Variants in SPTBN1 observed in about 807,000 individuals in gnomAD.
The protein encoded by SPTBN1 is spectrin beta, non-erythrocytic 1.
SPTBN1 carries 32 observed loss-of-function variants against 266.4 expected under a neutral mutation model. That is an observed-to-expected ratio of 0.12 (90% CI 0.09 to 0.16). The LOEUF is 0.16. SPTBN1 is among the 10% of genes least tolerant of loss of function. The pLI is 1.00. For missense variants in SPTBN1, 2,296 were observed against 3,067.1 expected (o/e 0.75, Z 5.94); for synonymous variants, 1,336 against 1,162.2 (o/e 1.15, Z -3.04).
rs1437931949 is a variant in SPTBN1, at chr2:54,645,050, A to G, written c.4270-179A>G. ...CTTTAAGGGCAAATGAATTTACCTCAGATTTACTTGAAAACAGTTCCATTG... is the reference window on the plus strand; with the variant it reads ...CTTTAAGGGCAAATGAATTTACCTCGGATTTACTTGAAAACAGTTCCATTG... On this transcript the variant is annotated intron_variant, in intron 20 of 35. Transcript: ENST00000356805. The surrounding 1 kb of genome is among the most constrained non-coding windows in gnomAD (Gnocchi z 4.3). The G allele has an allele frequency of 1.6e-6, 1 of 622,300 alleles. No individual in the cohort carries two copies. The highest frequency in any genetic ancestry group is 2.8e-6 in the Non-Finnish European group (1 of 357,290). 38.5% of individuals were successfully genotyped at this position (622,300 alleles called of 1,614,324 possible).
At chr2:54,595,827 T>C (rs1389868169) in intron 2 of SPTBN1, among the ~76,000 whole-genome samples, 1 of 152,170 alleles carries the variant, frequency 6.6e-6, no homozygotes, top group Non-Finnish European at 1.5e-5. Flanking sequence ...TTAAGCAGCA[T>C]CCTGGGCCTC....
intron 1 of SPTBN1, among the ~76,000 whole-genome samples, chr2:54,456,721 G>C (rs1693051530): frequency 6.7e-6 from 1 of 150,062 alleles, no homozygotes; most frequent in Non-Finnish European, 1.5e-5. Flanking sequence ...AGCCCGGGTC[G>C]CGGGTGCTCA....
chr2:54,553,419 G>C (rs1038058364), intron 2 of SPTBN1, among the ~76,000 whole-genome samples: 13 of 152,216 alleles, frequency 8.5e-5, no homozygotes, highest in African/African-American at 2.7e-4. Flanking sequence ...CCAGTGCTTA[G>C]TGCAGCATAA....
intron 1 of SPTBN1, among the ~76,000 whole-genome samples, chr2:54,486,241 C>T (rs1224989900): frequency 1.3e-5 from 2 of 151,958 alleles, no homozygotes; most frequent in Non-Finnish European, 2.9e-5. Flanking sequence ...TCATTGAGAA[C>T]GGGCCAGGAT....
intron 32 of SPTBN1, chr2:54,663,840 A>G (rs1681203175): frequency 6.6e-6 from 1 of 152,244 alleles, no homozygotes; most frequent in South Asian, 2.1e-4. Context: ...TTAAGTTCCA[A>G]AGTCTAACTG....
intron 2 of SPTBN1, among the ~76,000 whole-genome samples, chr2:54,550,886 G>A (rs116544076): frequency 0.019 from 2,926 of 152,276 alleles, 52 homozygotes; most frequent in South Asian, 0.061. Flanking sequence ...GAACGTGTCA[G>A]ATGAGTTGAC....
At chr2:54,476,358 T>C (rs1667833450) in intron 1 of SPTBN1, among the ~76,000 whole-genome samples, 1 of 152,196 alleles carries the variant, frequency 6.6e-6, no homozygotes, top group South Asian at 2.1e-4. Context: ...TAACTAAACA[T>C]AGATAACAGA....
intron 1 of SPTBN1, among the ~76,000 whole-genome samples, chr2:54,489,297 G>A (rs1182814546): frequency 3.3e-5 from 5 of 151,674 alleles, no homozygotes; most frequent in African/African-American, 2.4e-5. Context: ...CTCCAACCTG[G>A]GCAACAGAGT....
Position 54,647,043 on chromosome 2 carries a change from C to T in SPTBN1, c.4867-88C>T, listed in dbSNP as rs562749547. ...TTTTTCTTTCTACTGATCCTTCCTC[C>T]TACCCTGCTGAGCAGCTGGTCTGTC... On this transcript the variant is annotated intron_variant, in intron 23 of 35. Transcript: ENST00000356805. 67 of 1,595,224 alleles carry T rather than the reference C, an allele frequency of 4.2e-5. 2 individuals are homozygous for T. The South Asian group carries it at 7.4e-4, about 18-fold the overall frequency.
At chr2:54,497,953 G>A (rs915671415) in intron 1 of SPTBN1, among the ~76,000 whole-genome samples, 12 of 152,150 alleles carry the variant, frequency 7.9e-5, no homozygotes, top group African/African-American at 2.4e-5. Flanking sequence ...GAGAAGAGTA[G>A]AGAATAACAA....
Position 54,643,136 on chromosome 2 carries a change from T to C in SPTBN1, c.4005+7T>C. 1 of 1,614,048 alleles carries C rather than the reference T, an allele frequency of 6.2e-7. No homozygotes were observed. Among genetic ancestry groups the C allele is most frequent in the Non-Finnish European group, 8.5e-7 (1 of 1,179,958 alleles). ...GCTTGACAAAATCGAGAAGGTGAGTTAAAACATTTGATGTGGCCATGGTGA... is the reference window on the plus strand; with the variant it reads ...GCTTGACAAAATCGAGAAGGTGAGTCAAAACATTTGATGTGGCCATGGTGA... On this transcript the variant is annotated splice_region_variant and intron_variant, in intron 19 of 35. Transcript: ENST00000356805.
intron 1 of SPTBN1, among the ~76,000 whole-genome samples, chr2:54,460,375 G>A (rs1215512450): frequency 6.6e-6 from 1 of 152,000 alleles, no homozygotes; most frequent in Non-Finnish European, 1.5e-5. Flanking sequence ...TTATAAAGCT[G>A]TTCTTTAATT....
At chr2:54,511,378 AT>A (rs1409633803) in intron 1 of SPTBN1, among the ~76,000 whole-genome samples, 2 of 152,156 alleles carry the variant, frequency 1.3e-5, no homozygotes, top group East Asian at 3.9e-4. Context: ...GTTTTTAAAA[AT>A]TTTTTTCTTC....
chr2:54,529,332 ACC>A (rs1234122366), intron 2 of SPTBN1: 1 of 559,496 alleles, frequency 1.8e-6, no homozygotes, highest in African/African-American at 1.9e-5. Context: ...TACACTTGAG[ACC>A]CTTTTCAGAA....
chr2:54,612,029 C>A, intron 3 of SPTBN1, 132 bp from the exon 4 acceptor site: 2 of 887,224 alleles, frequency 2.3e-6, no homozygotes, highest in Non-Finnish European at 3.4e-6. Flanking sequence ...TTAATGAGTA[C>A]ATGTGTTTGT....
chr2:54,655,194 T>C lies in SPTBN1; in HGVS notation c.5947T>C (p.Tyr1983His). Residue 1983 changes from tyrosine (Y) to histidine (H), a missense_variant, in exon 28 of 36, where the codon TAT (tyrosine) becomes CAT (histidine). Tyr to His is a moderately conservative substitution (Grantham distance 83, BLOSUM62 2). This residue lies in a region of SPTBN1 where 644 missense variants were observed against 745.3 expected (regional missense o/e 0.86). Coordinates refer to ENST00000356805, the MANE Select transcript of SPTBN1 (RefSeq NM_003128.3). The stretch of plus-strand genomic sequence containing the variant: ...GAAATCCCTGTTGGCGAGAAAACAC[T>C]ATGCATCTGAGGAGGTAGGTTGCTA... ...LGKSLLARKH[Y>H]ASEEIKEKLL... 1.2e-6 allele frequency: 2 copies of C among 1,614,018 alleles called. No individual in the cohort carries two copies. The highest frequency in any genetic ancestry group is 1.7e-6 in the Non-Finnish European group (2 of 1,179,978).
chr2:54,624,267 G>A lies in SPTBN1; in HGVS notation c.1183-537G>A, dbSNP rs184237165. 2.1e-3 allele frequency among the ~76,000 whole-genome samples: 312 copies of A among 152,108 alleles called. 3 individuals are homozygous for A. In the South Asian group the frequency reaches 0.036, roughly 17 times the overall value. Reference sequence around the variant, plus strand: ...TGGAATTATAGGCGTGAGCCACTGCGTCTGGCCCCACTTAGATTCCTTCGA... The same window carrying A: ...TGGAATTATAGGCGTGAGCCACTGCATCTGGCCCCACTTAGATTCCTTCGA... On this transcript the variant is annotated intron_variant, in intron 10 of 35. Transcript: ENST00000356805.
rs372209425 is a variant in SPTBN1, at chr2:54,629,872, C to G, written c.2670-20C>G. ...ACCAGTGGCCCAGGAGGTGACCACC[C>G]TGTCAAATTGCCATTTCAGATTTGA... On this transcript the variant is annotated intron_variant, in intron 14 of 35. Coordinates refer to ENST00000356805, the MANE Select transcript of SPTBN1 (RefSeq NM_003128.3). The G allele has an allele frequency of 4.5e-5, 72 of 1,613,814 alleles. No homozygotes were observed. The highest frequency in any genetic ancestry group is 5.8e-5 in the Non-Finnish European group (68 of 1,180,018).
At chr2:54,483,984 C>T (rs1259193357) in intron 1 of SPTBN1, among the ~76,000 whole-genome samples, 1 of 152,052 alleles carries the variant, frequency 6.6e-6, no homozygotes, top group African/African-American at 2.4e-5. Flanking sequence ...CACCTGAGCC[C>T]AGGGGTTCGA....
Sources: allele counts gnomAD v4.1 joint callset (sites outside exome capture counted in the v4.1 genomes callset), GRCh38; gene constraint gnomAD v4.1.1; regional missense constraint gnomAD v4.1.1; non-coding constraint Gnocchi (gnomAD v3.1); transcripts MANE v1.5; gene names NCBI Gene and HGNC (gene_info 2026-07-23, HGNC 2026-07-21).